Variants in CCDC38 observed in about 807,000 individuals in gnomAD.
The protein encoded by CCDC38 is coiled-coil domain containing 38, also known as coiled-coil domain-containing protein 38.
CCDC38 carries 69 observed loss-of-function variants against 72.8 expected under a neutral mutation model. That is an observed-to-expected ratio of 0.95 (90% confidence interval 0.78 to 1.16). The LOEUF is 1.16. Among genes scored for constraint, CCDC38 ranks in the 50% most tolerant of loss-of-function variants. The pLI is 0.00. For synonymous variants in CCDC38, 201 were observed against 213.2 expected, an observed-to-expected ratio of 0.94 and a Z score of 0.50; for missense variants, 626 against 638.9, an observed-to-expected ratio of 0.98 and a Z score of 0.22.
intron 1 of CCDC38, among the ~76,000 whole-genome samples, chr12:95,941,536 C>T (rs116117077): frequency 0.011 from 1,649 of 152,268 alleles, 32 homozygotes; most frequent in African/African-American, 0.037. Context: ...AGAACTCAGA[C>T]TAAGACAAGT....
Position 95,898,686 on chromosome 12 carries a change from C to G in CCDC38, c.415G>C (p.Asp139His). The change falls in exon 6 of 16, where the codon GAC becomes CAC. Residue 139 changes from aspartate to histidine, a missense_variant. Asp to His is a moderately conservative substitution (Grantham distance 81). Coordinates refer to ENST00000344280, the MANE Select transcript of CCDC38 (RefSeq NM_182496.3). ...KRNTIKKFEK[D>H]IAMRERQLKK... ...AGTTGCCGTTCCCTCATTGCTATGT[C>G]TTTTTCAAACTTTTTGATTGTGTTT... The G allele has an allele frequency of 6.2e-7, 1 of 1,613,964 alleles. No homozygotes were observed. The highest frequency in any genetic ancestry group is 8.5e-7 in the Non-Finnish European group (1 of 1,179,980).
At position 95,909,891 on chromosome 12, in the gene CCDC38, G is replaced by A. The variant is rs139645216; in HGVS notation, c.305-3440C>T. Among the ~76,000 whole-genome samples the A allele has an allele frequency of 4.5e-3, 678 of 152,116 alleles. 20 individuals are homozygous for A. Among genetic ancestry groups the A allele is most frequent in the Non-Finnish European group, 1.3e-3 (91 of 67,984 alleles). On this transcript the variant is annotated intron_variant, in intron 4 of 15. Coordinates refer to ENST00000344280, the MANE Select transcript of CCDC38 (RefSeq NM_182496.3). Reference sequence around the variant, plus strand: ...TACACTCAACAAACTAGGCATCGAAGGAACATACCTCAAAATACTAACAGC... The same window carrying A: ...TACACTCAACAAACTAGGCATCGAAAGAACATACCTCAAAATACTAACAGC...
chr12:95,895,282 A>G (rs762871202), intron 7 of CCDC38, 136 bp from the exon 8 acceptor site: 170 of 543,174 alleles, frequency 3.1e-4, no homozygotes, highest in Non-Finnish European at 4.6e-4. Flanking sequence ...ATATGGCCAT[A>G]AAAATATGGG....
In CCDC38 at chr12:95,917,122, G is replaced by A. The variant is rs761920916; in HGVS notation, c.304+7C>T. ...AATGATGTTCTTAAAGAGTAATTTA[G>A]ACTCACCTTCTATTAATCTAGGAAT... On this transcript the variant is annotated splice_region_variant and intron_variant, in intron 4 of 15. Transcript: ENST00000344280. 2 of 1,568,144 alleles carry A rather than the reference G, an allele frequency of 1.3e-6. No homozygotes were observed. Among genetic ancestry groups the A allele is most frequent in the South Asian group, 1.2e-5 (1 of 83,108 alleles).
intron 2 of CCDC38, chr12:95,934,318 A>G (rs1482605617): frequency 6.6e-6 from 1 of 152,086 alleles, no homozygotes; most frequent in East Asian, 1.9e-4. Context: ...TTGGGTTCTG[A>G]TGGGTTCAAA....
At chr12:95,898,866 T>C in intron 5 of CCDC38, 135 bp from the exon 6 acceptor site, 1 of 870,932 alleles carries the variant, frequency 1.1e-6, no homozygotes, top group Non-Finnish European at 1.7e-6. Context: ...GGACTTTATT[T>C]CTTGAAGGAG....
intron 2 of CCDC38, among the ~76,000 whole-genome samples, chr12:95,930,377 A>AG (rs34658489): frequency 0.084 from 12,845 of 152,132 alleles, 712 homozygotes; most frequent in Non-Finnish European, 0.13. Flanking sequence ...GGAGGCTCTG[A>AG]GGGGGAATCT....
intron 2 of CCDC38, among the ~76,000 whole-genome samples, chr12:95,929,405 C>G (rs2080311846): frequency 6.6e-6 from 1 of 152,208 alleles, no homozygotes; most frequent in African/African-American, 2.4e-5. Flanking sequence ...GGCTCATGCA[C>G]TGTGCATGCA....
chr12:95,915,669 T>A (rs1420536369), intron 4 of CCDC38, among the ~76,000 whole-genome samples: 1 of 152,182 alleles, frequency 6.6e-6, no homozygotes, highest in East Asian at 1.9e-4. Context: ...TCAAATCAGC[T>A]CCTGATTGGA....
chr12:95,922,549 C>G (rs1178904716), intron 2 of CCDC38, among the ~76,000 whole-genome samples: 1 of 152,114 alleles, frequency 6.6e-6, no homozygotes, highest in Non-Finnish European at 1.5e-5. Context: ...GGTTGAAGAC[C>G]AGGTGGAATG....
At chr12:95,894,964 T>C (rs2079869578) in intron 8 of CCDC38, 25 bp downstream of exon 8, 1 of 1,567,312 alleles carries the variant, frequency 6.4e-7, no homozygotes, top group East Asian at 2.3e-5. Flanking sequence ...ATTTAGTTCA[T>C]GAAAGTTGAG....
At position 95,890,211 on chromosome 12, in the gene CCDC38, C is replaced by T. The variant is rs1380468610; in HGVS notation, c.871+621G>A. Among the ~76,000 whole-genome samples the T allele has an allele frequency of 3.9e-5, 6 of 152,306 alleles. No homozygotes were observed. In the East Asian group the frequency reaches 1.2e-3, roughly 29 times the overall value. ...AAAGGTGTGAGCCACCATGCCTGGC[C>T]TACATGTGCTGATTTTTAAACATTG... On this transcript the variant is annotated intron_variant, in intron 9 of 15. Transcript: ENST00000344280.
chr12:95,906,361 T>G, intron 5 of CCDC38, 26 bp downstream of exon 5: 1 of 1,516,518 alleles, frequency 6.6e-7, no homozygotes, highest in Middle Eastern at 1.7e-4. Flanking sequence ...TCCACTTGGC[T>G]AGGGGAGAAA....
intron 5 of CCDC38, 50 bp downstream of exon 5, chr12:95,906,337 T>C (rs1229900027): frequency 1.5e-5 from 18 of 1,239,704 alleles, no homozygotes; most frequent in Non-Finnish European, 2.1e-5. Flanking sequence ...TTGAAAACAC[T>C]ATGAAAGAAG....
intron 4 of CCDC38, among the ~76,000 whole-genome samples, chr12:95,913,319 G>T (rs2080113899): frequency 6.6e-6 from 1 of 152,224 alleles, no homozygotes; most frequent in Non-Finnish European, 1.5e-5. Context: ...CCCTCTCTGT[G>T]AGAGGATTCT....
intron 2 of CCDC38, among the ~76,000 whole-genome samples, chr12:95,928,500 C>T (rs893713106): frequency 4.6e-5 from 7 of 152,196 alleles, no homozygotes; most frequent in African/African-American, 7.2e-5. Flanking sequence ...TCCCGTAGCT[C>T]GGAGTAATTT....
intron 1 of CCDC38, among the ~76,000 whole-genome samples, chr12:95,938,679 A>C (rs908090236): frequency 7.2e-5 from 11 of 152,338 alleles, no homozygotes; most frequent in Admixed American, 5.9e-4. Flanking sequence ...GATGAATGAA[A>C]GGTTGGTGAA....
chr12:95,917,242 G>C lies in CCDC38; in HGVS notation c.191C>G (p.Ser64Cys). The part of the protein sequence containing the change: ...MKVYQKTTFS[S>C]RMKSHSYLSQ... ...CAGGTATGAATGACTCTTCATTCTGGATGAAAAAGTAGTTTTCTGGTAGAC... is the reference window on the plus strand; with the variant it reads ...CAGGTATGAATGACTCTTCATTCTGCATGAAAAAGTAGTTTTCTGGTAGAC... The change falls in exon 4 of 16, where the codon TCC becomes TGC. Residue 64 changes from serine (S) to cysteine (C), a missense_variant. Coordinates refer to ENST00000344280, the MANE Select transcript of CCDC38 (RefSeq NM_182496.3). The C allele has an allele frequency of 6.2e-7, 1 of 1,604,472 alleles. No individual in the cohort carries two copies. The highest frequency in any genetic ancestry group is 8.5e-7 in the Non-Finnish European group (1 of 1,177,936).
At chr12:95,893,424 TCC>T (rs2079851048) in intron 8 of CCDC38, among the ~76,000 whole-genome samples, 3 of 53,770 alleles carry the variant, frequency 5.6e-5, no homozygotes, top group Non-Finnish European at 1.0e-4. Flanking sequence ...CCTCCCTCCC[TCC>T]CTCCCTCCCT....
Sources: gnomAD v4.1 joint callset for allele counts (sites outside exome capture counted in the v4.1 genomes callset) on GRCh38, gnomAD v4.1.1 for gene constraint, MANE v1.5 for transcripts, NCBI Gene and HGNC (gene_info 2026-07-23, HGNC 2026-07-21) for gene names.